The following LAMC3 variants were observed in gnomAD, a reference collection of about 807,000 sequenced individuals.
LAMC3 encodes the protein laminin subunit gamma-3.
In LAMC3, 128 loss-of-function variants were observed where a neutral mutation model predicts 173.8. That is an observed-to-expected ratio of 0.74 (90% CI 0.64 to 0.85). The LOEUF (loss-of-function observed/expected upper bound fraction) is 0.85, where lower values mean the gene tolerates loss of function less well. Among genes scored for constraint, LAMC3 ranks in the 40% least tolerant of loss-of-function variants. The pLI, the probability that LAMC3 is intolerant of heterozygous loss-of-function variation, is 0.00. For synonymous variants in LAMC3, 897 were observed against 909.1 expected, an observed-to-expected ratio of 0.99 and a Z score of 0.24; for missense variants, 2,022 against 2,156.0, an observed-to-expected ratio of 0.94 and a Z score of 1.23.
chr9:131,051,397 C>T (rs1185379349), intron 9 of LAMC3, among the ~76,000 whole-genome samples: 2 of 116,538 alleles, frequency 1.7e-5, no homozygotes, highest in Non-Finnish European at 3.3e-5. Flanking sequence ...CGGAGTCTTG[C>T]TCTGTTGCCA....
chr9:131,052,616 CT>C lies in LAMC3; in HGVS notation c.1757del (p.Leu586ArgfsTer18), dbSNP rs749663325. 6.2e-7 allele frequency: 1 copy of C among 1,613,986 alleles called. No homozygotes were observed. Among genetic ancestry groups the C allele is most frequent in the South Asian group, 1.1e-5 (1 of 91,082 alleles). On this transcript the variant is annotated frameshift_variant, in exon 10 of 28. Coordinates refer to ENST00000361069, the MANE Select transcript of LAMC3 (RefSeq NM_006059.4). LOFTEE classifies it high-confidence loss of function. ...GGAAGGGACAGGCTTGGCCCTGTCCCTGAGGCACTCTAGCCTGTCTGGCCCC... is the reference window on the plus strand; with the variant it reads ...GGAAGGGACAGGCTTGGCCCTGTCCCGAGGCACTCTAGCCTGTCTGGCCCC... Reference protein sequence around the residue: ...RLEGTGLALSLRHSSLSGPQD... With the variant: ...RLEGTGLALSXRHSSLSGPQD...
chr9:131,022,053 TGGA>T (rs910251168), intron 1 of LAMC3, among the ~76,000 whole-genome samples: 4 of 152,078 alleles, frequency 2.6e-5, no homozygotes, highest in African/African-American at 9.7e-5. Flanking sequence ...GACCCTCTCT[TGGA>T]GGGTCTTAAG....
In LAMC3 at chr9:131,091,548, AC is replaced by A; in HGVS notation, c.4492del (p.His1498IlefsTer8). 1 of 1,582,412 alleles carries A rather than the reference AC, an allele frequency of 6.3e-7. No homozygotes were observed. The highest frequency in any genetic ancestry group is 8.6e-7 in the Non-Finnish European group (1 of 1,165,112). ...GTGCCCCACCACAGGGTCGCTGGAC[AC>A]CCATCAAGCCCCAGCCCAGGCCCTG... ...ELLARLGSLD[T>X]HQAPAQALNE... On this transcript the variant is annotated frameshift_variant, in exon 28 of 28. Coordinates refer to ENST00000361069, the MANE Select transcript of LAMC3 (RefSeq NM_006059.4). LOFTEE classifies it high-confidence loss of function.
chr9:131,034,986 C>T (rs1250442327), intron 3 of LAMC3, among the ~76,000 whole-genome samples: 1 of 151,696 alleles, frequency 6.6e-6, no homozygotes, highest in Non-Finnish European at 1.5e-5. Context: ...GTTTTGCTCT[C>T]GTTGCCCAGG....
At chr9:131,081,494 A>G (rs1252339657) in intron 23 of LAMC3, among the ~76,000 whole-genome samples, 1 of 89,484 alleles carries the variant, frequency 1.1e-5, no homozygotes, top group Non-Finnish European at 2.1e-5. Context: ...TCTTTTTTAG[A>G]TGGAATCTTT....
Position 131,068,917 on chromosome 9 carries a change from T to C in LAMC3, c.2757T>C (p.Cys919=), listed in dbSNP as rs1474609063. ...CCTTCCCTGATCACAGCTGCAAGTG[T>C]CACCCACTGGGCTCCCAGGAGGACC... ...QPGRGCRSCK[C]HPLGSQEDQC... is the part of the protein sequence containing the mutation. Residue 919 remains cysteine, a synonymous_variant, in exon 16 of 28, where the codon TGT becomes TGC. Coordinates refer to ENST00000361069, the MANE Select transcript of LAMC3 (RefSeq NM_006059.4). 6.2e-7 allele frequency: 1 copy of C among 1,614,016 alleles called. No individual in the cohort carries two copies. Among genetic ancestry groups the C allele is most frequent in the Non-Finnish European group, 8.5e-7 (1 of 1,180,006 alleles).
intron 11 of LAMC3, 63 bp from the exon 12 acceptor site, chr9:131,056,865 TG>T (rs1564379131): frequency 1.5e-6 from 2 of 1,307,590 alleles, no homozygotes; most frequent in South Asian, 1.2e-5. Flanking sequence ...AGGAAGGTTT[TG>T]GGGGGAAGCA....
At chr9:131,078,066 G>A (rs895623503) in intron 22 of LAMC3, among the ~76,000 whole-genome samples, 11 of 152,142 alleles carry the variant, frequency 7.2e-5, no homozygotes, top group East Asian at 1.9e-4. Flanking sequence ...ACAGAGATTC[G>A]GGAGCAATGC....
intron 23 of LAMC3, 112 bp downstream of exon 23, chr9:131,079,410 TCCGG>T: frequency 7.5e-7 from 1 of 1,328,736 alleles, no homozygotes; most frequent in East Asian, 2.5e-5. Flanking sequence ...AGTAGCTCTG[TCCGG>T]CCGGGTGTAG....
chr9:131,032,557 G>GCTCTCTCTCTTGCTCTCTCTCGCTGT (rs1564368397), intron 3 of LAMC3, among the ~76,000 whole-genome samples: 10 of 132,104 alleles, frequency 7.6e-5, no homozygotes, highest in African/African-American at 2.9e-4. Context: ...GCTCTCTCTC[G>GCTCTCTCTCTTGCTCTCTCTCGCTGT]CTCTCTCTCT....
chr9:131,069,431 G>A (rs545201988), intron 16 of LAMC3, among the ~76,000 whole-genome samples: 1 of 152,210 alleles, frequency 6.6e-6, no homozygotes, highest in Non-Finnish European at 1.5e-5. Context: ...TGCATTGGCA[G>A]TTCCTAAACC....
chr9:131,092,241 A>C lies in LAMC3; in HGVS notation c.*454A>C. ...TGAGATGCCCTGGGGTGCTACATCC[A>C]CTCACTCCAGATAGCAGGGAGGTCT... On this transcript the variant is annotated 3_prime_UTR_variant, in exon 28 of 28. Coordinates refer to ENST00000361069, the MANE Select transcript of LAMC3 (RefSeq NM_006059.4). 2 of 237,016 alleles carry C rather than the reference A, an allele frequency of 8.4e-6. No homozygotes were observed. The highest frequency in any genetic ancestry group is 1.7e-5 in the Non-Finnish European group (2 of 118,502). 14.7% of individuals were successfully genotyped at this position (237,016 alleles called of 1,614,324 possible).
intron 20 of LAMC3, among the ~76,000 whole-genome samples, chr9:131,074,930 A>T (rs1057138143): frequency 6.6e-6 from 1 of 152,020 alleles, no homozygotes; most frequent in African/African-American, 2.4e-5. Context: ...GGGTGACTGT[A>T]CAATTTATTG....
At chr9:131,072,890 C>T (rs1830061467) in intron 19 of LAMC3, 55 bp downstream of exon 19, 33 of 1,501,196 alleles carry the variant, frequency 2.2e-5, no homozygotes, top group Non-Finnish European at 3.0e-5. Context: ...TTGGTCCCTG[C>T]CCCAGCCCTC....
chr9:131,040,321 A>G (rs371897456), intron 6 of LAMC3, among the ~76,000 whole-genome samples: 15 of 152,028 alleles, frequency 9.9e-5, no homozygotes, highest in African/African-American at 3.4e-4. Context: ...GAGATTACAA[A>G]TGTGCACCAC....
intron 3 of LAMC3, among the ~76,000 whole-genome samples, chr9:131,035,367 G>A (rs185546350): frequency 1.0e-3 from 152 of 152,206 alleles, no homozygotes; most frequent in African/African-American, 3.4e-3. Flanking sequence ...CAATCATGGC[G>A]GAAAGTGAAG....
At position 131,041,366 on chromosome 9, in the gene LAMC3, C is replaced by CAAAAA. The variant is rs10526087; in HGVS notation, c.1284-266_1284-262dup. On this transcript the variant is annotated intron_variant, in intron 6 of 27. Coordinates refer to ENST00000361069, the MANE Select transcript of LAMC3 (RefSeq NM_006059.4). ...TGGGTGGCAAAGTGTGACTCTGTCC[C>CAAAAA]AAAAAAAAAGATTCATGGATGATGA... Among the ~76,000 whole-genome samples the CAAAAA allele has an allele frequency of 1.7e-5, 2 of 114,590 alleles. 1 individual carries two copies. The highest frequency in any genetic ancestry group is 3.7e-5 in the Non-Finnish European group (2 of 54,746). The allele number at this position is 114,590 out of a possible 152,430, so 75.2% of individuals were successfully genotyped here. A position where few individuals can be genotyped will look rare whatever the true frequency, so the allele number is the denominator to read the frequency against.
chr9:131,056,092 C>T (rs911903878), intron 11 of LAMC3, among the ~76,000 whole-genome samples: 38 of 151,930 alleles, frequency 2.5e-4, no homozygotes, highest in African/African-American at 6.5e-4. Flanking sequence ...GCTACTTGAG[C>T]GGCTGAGGCA....
At chr9:131,072,019 G>C (rs966468870) in intron 18 of LAMC3, among the ~76,000 whole-genome samples, 2 of 152,114 alleles carry the variant, frequency 1.3e-5, no homozygotes, top group South Asian at 4.1e-4. Context: ...GGAGGGCCAG[G>C]TGTGGTGGCT....
Sources: allele counts gnomAD v4.1 joint callset (sites outside exome capture counted in the v4.1 genomes callset), GRCh38; gene constraint gnomAD v4.1.1; transcripts MANE v1.5; gene names NCBI Gene and HGNC (gene_info 2026-07-23, HGNC 2026-07-21).